Variants in AMELX observed in about 807,000 individuals in gnomAD.
AMELX encodes the protein amelogenin X-linked.
In AMELX, 9 loss-of-function variants were observed where a neutral mutation model predicts 15.8. That is an observed-to-expected ratio of 0.57 (90% CI 0.34 to 0.99). The LOEUF (loss-of-function observed/expected upper bound fraction) is 0.99. Ranked by LOEUF, AMELX falls within the 50% of genes least tolerant of loss-of-function variation. The pLI is 0.02. For synonymous variants in AMELX, 61 were observed against 58.8 expected, an observed-to-expected ratio of 1.04 and a Z score of -0.17; for missense variants, 107 against 156.2, an observed-to-expected ratio of 0.68 and a Z score of 1.68.
the AMELX span, among the ~76,000 whole-genome samples, chrX:11,308,972 C>T: frequency 1.8e-5 from 2 of 111,897 alleles, no homozygotes; most frequent in Non-Finnish European, 3.8e-5. Flanking sequence ...TCTGAATTTA[C>T]TCTTAAAGCA....
At chrX:11,302,156 G>C (rs375469173), downstream of AMELX, among the ~76,000 whole-genome samples, 5 of 111,976 alleles carry the variant, frequency 4.5e-5, no homozygotes, top group Non-Finnish European at 9.4e-5. Flanking sequence ...CAATTCCTCC[G>C]TCATAGTAGA....
chrX:11,303,868 C>T (rs760245961), downstream of AMELX, among the ~76,000 whole-genome samples: 2 of 111,502 alleles, frequency 1.8e-5, no homozygotes, highest in African/African-American at 3.3e-5. Context: ...TCAGTACACT[C>T]GTCTATAAAA....
intron 3 of AMELX, among the ~76,000 whole-genome samples, chrX:11,297,947 C>T (rs1448087220): frequency 8.9e-6 from 1 of 112,604 alleles, no homozygotes; most frequent in Non-Finnish European, 1.9e-5. Flanking sequence ...TAATGAATCT[C>T]TTTAACTCCC....
At chrX:11,294,415 C>T (rs1271290029) in intron 1 of AMELX, among the ~76,000 whole-genome samples, 1 of 112,246 alleles carries the variant, frequency 8.9e-6, no homozygotes, top group Admixed American at 9.4e-5. Flanking sequence ...TCTTCCCAAC[C>T]TTTAGAGCCA....
intron 3 of AMELX, among the ~76,000 whole-genome samples, chrX:11,297,106 G>C (rs2048098891): frequency 9.0e-6 from 1 of 111,719 alleles, no homozygotes. Flanking sequence ...CCATGATAGG[G>C]CAAAAAGTAA....
chrX:11,304,940 C>G (rs1357560969), downstream of AMELX, among the ~76,000 whole-genome samples: 1 of 108,073 alleles, frequency 9.3e-6, no homozygotes, highest in Non-Finnish European at 1.9e-5. Context: ...CCAGGCACCA[C>G]CATGCCTGGC....
At chrX:11,296,489 G>C (rs1350392376) in intron 2 of AMELX, among the ~76,000 whole-genome samples, 1 of 111,679 alleles carries the variant, frequency 9.0e-6, no homozygotes, top group Non-Finnish European at 1.9e-5. Flanking sequence ...ATAAATGTGT[G>C]CTGGTTTCTG....
chrX:11,303,034 T>C (rs779076237), downstream of AMELX, among the ~76,000 whole-genome samples: 139 of 112,684 alleles, frequency 1.2e-3, no homozygotes, highest in Non-Finnish European at 2.3e-3. Flanking sequence ...ACTGTATTAA[T>C]TGGGAAAAAA....
the AMELX span, among the ~76,000 whole-genome samples, chrX:11,309,232 C>A: frequency 2.7e-5 from 3 of 111,697 alleles, no homozygotes; most frequent in Non-Finnish European, 3.8e-5. Flanking sequence ...ATACACACAC[C>A]GTATCTTCTT....
At chrX:11,295,195 C>T (rs1791293371) in intron 2 of AMELX, among the ~76,000 whole-genome samples, 1 of 111,594 alleles carries the variant, frequency 9.0e-6, no homozygotes, top group Admixed American at 9.5e-5. Context: ...AGTGCTTAAC[C>T]AGCTTTGGAC....
At chrX:11,308,281 C>A in the AMELX span, among the ~76,000 whole-genome samples, 3 of 111,455 alleles carry the variant, frequency 2.7e-5, no homozygotes, top group Non-Finnish European at 3.8e-5. Context: ...GTGAACACTT[C>A]GGTAACAATC....
chrX:11,299,091 C>G, intron 5 of AMELX, 118 bp downstream of exon 5: 1 of 887,923 alleles, frequency 1.1e-6, no homozygotes, highest in South Asian at 2.1e-5. Context: ...AGTTACAGGT[C>G]TATGATTCTA....
downstream of AMELX, chrX:11,300,788 T>C: frequency 2.2e-6 from 1 of 460,356 alleles, no homozygotes; most frequent in South Asian, 4.3e-5. Context: ...GAATGAAACT[T>C]AAATTTTCCT....
Position 11,300,743 on chromosome X carries a change from T to TA in AMELX, c.*135dup. 1 of 583,135 alleles carries TA rather than the reference T, an allele frequency of 1.7e-6. No individual in the cohort carries two copies. The highest frequency in any genetic ancestry group is 2.8e-6 in the Non-Finnish European group (1 of 354,119). The allele number at this position is 583,135 out of a possible 1,213,427, so 48.1% of individuals were successfully genotyped here. On this transcript the variant is annotated 3_prime_UTR_variant, in exon 6 of 6. Coordinates refer to ENST00000380714, the MANE Select transcript of AMELX (RefSeq NM_001142.2). Reference sequence around the variant, plus strand: ...CTAAAAAAGTACCATTAGCAGACAATAAAATGCATTAAAAATCATTCATGT... The same window carrying TA: ...CTAAAAAAGTACCATTAGCAGACAATAAAAATGCATTAAAAATCATTCATGT...
the AMELX span, among the ~76,000 whole-genome samples, chrX:11,306,114 G>A: frequency 2.7e-5 from 3 of 111,418 alleles, no homozygotes; most frequent in Non-Finnish European, 5.7e-5. Flanking sequence ...ACTGCTCTAC[G>A]TTGGCTGGCA....
At chrX:11,309,279 A>G in the AMELX span, among the ~76,000 whole-genome samples, 4 of 111,745 alleles carry the variant, frequency 3.6e-5, no homozygotes, top group South Asian at 1.5e-3. Context: ...CAATAGCAGC[A>G]GCTCCAGGCA....
chrX:11,300,864 T>C (rs2048165611), downstream of AMELX: 1 of 274,364 alleles, frequency 3.6e-6, no homozygotes, highest in Non-Finnish European at 6.6e-6. Context: ...CATTTAGTCA[T>C]ACAAATTCAC....
chrX:11,298,051 C>A, intron 3 of AMELX, 185 bp from the exon 4 acceptor site: 1 of 1,130,026 alleles, frequency 8.8e-7, no homozygotes, highest in Non-Finnish European at 1.2e-6. Context: ...AACACAGTGC[C>A]TGTCACACAG....
chrX:11,293,984 C>G (rs930284666), intron 1 of AMELX, among the ~76,000 whole-genome samples: 2 of 112,490 alleles, frequency 1.8e-5, no homozygotes, highest in Non-Finnish European at 3.8e-5. Context: ...ATTTGTGCCA[C>G]AAATCAATGT....
Sources: allele counts gnomAD v4.1 joint callset (sites outside exome capture counted in the v4.1 genomes callset), GRCh38; gene constraint gnomAD v4.1.1; transcripts MANE v1.5; gene names NCBI Gene and HGNC (gene_info 2026-07-23, HGNC 2026-07-21).